The following HRNR variants were observed in gnomAD, a reference collection of about 807,000 sequenced individuals.
The protein encoded by HRNR is filaggrin family member 3.
In HRNR, 7 loss-of-function variants were observed where a neutral mutation model predicts 4.8. The observed-to-expected ratio is 1.47, with a 90% CI of 0.83 to 2.75. The LOEUF (loss-of-function observed/expected upper bound fraction) is 2.75. Among genes scored for constraint, HRNR ranks in the 30% most tolerant of loss-of-function variants. The pLI is 0.00. For missense variants in HRNR, 2,879 were observed against 3,010.4 expected, an observed-to-expected ratio of 0.96 and a Z score of 1.02; for synonymous variants, 1,023 against 1,242.7, an observed-to-expected ratio of 0.82 and a Z score of 3.72.
rs61814943 is a variant in HRNR at position 152,219,687 on chromosome 1, G to A, written c.1942C>T (p.Arg648Cys). Residue 648 changes from arginine to cysteine, a missense_variant, in exon 3 of 3, where the codon CGC (arginine) becomes TGC (cysteine). This residue lies in a region of HRNR where 2,646 missense variants were observed against 1,377.7 expected (regional missense o/e 1.92). Coordinates refer to ENST00000368801, the MANE Select transcript of HRNR (RefSeq NM_001009931.3). ...QHGSGSSQSS[R>C]YGQQGSGSGQ... ...GATCCAGAGCCCTGTTGGCCATAGC[G>A]AGAAGACTGACTTGAGCCAGAGCCA... 40 of 1,472,864 alleles carry A rather than the reference G, an allele frequency of 2.7e-5. No homozygotes were observed. Among genetic ancestry groups the A allele is most frequent in the East Asian group, 7.0e-5 (3 of 43,014 alleles). The allele number at this position is 1,472,864 out of a possible 1,614,324, so 91.2% of individuals were successfully genotyped here.
chr1:152,218,608 A>G lies in HRNR; in HGVS notation c.3021T>C (p.Pro1007=). 5 of 1,609,006 alleles carry G rather than the reference A, an allele frequency of 3.1e-6. No homozygotes were observed. The highest frequency in any genetic ancestry group is 3.4e-6 in the Non-Finnish European group (4 of 1,178,576). ...ACCCATGTCGGCCACGGCTAGGGCTAGGAGACTGGCCAGATCCAGACCCAT... is the reference window on the plus strand; with the variant it reads ...ACCCATGTCGGCCACGGCTAGGGCTGGGAGACTGGCCAGATCCAGACCCAT... ...GQHGSGSGQS[P]SPSRGRHGSG... is the part of the protein sequence containing the mutation. Residue 1007 remains proline (P), a synonymous_variant, in exon 3 of 3, where the codon CCT becomes CCC. Coordinates refer to ENST00000368801, the MANE Select transcript of HRNR (RefSeq NM_001009931.3).
rs774876762 is a variant in HRNR at position 152,220,327 on chromosome 1, C to A, written c.1302G>T (p.Gly434=). 1 of 1,613,538 alleles carries A rather than the reference C, an allele frequency of 6.2e-7. No homozygotes were observed. The highest frequency in any genetic ancestry group is 1.1e-5 in the South Asian group (1 of 91,060). Residue 434 remains glycine (G), a synonymous_variant, in exon 3 of 3, where the codon GGG becomes GGT. Coordinates refer to ENST00000368801, the MANE Select transcript of HRNR (RefSeq NM_001009931.3). ...CATGTTGGCCGGAGCTGGGAGACTG[C>A]CCTGACCCAGACCCACGCTGGCCGT... is the stretch of plus-strand genomic sequence containing the variant. ...PGHGQRGSGS[G]QSPSSGQHGT... is the part of the protein sequence containing the mutation.
Position 152,218,483 on chromosome 1 carries a change from C to G in HRNR, c.3146G>C (p.Gly1049Ala), listed in dbSNP as rs1293731425. The change falls in exon 3 of 3, where the codon GGC becomes GCC. Residue 1049 changes from glycine (G) to alanine (A), a missense_variant. This residue lies in a region of HRNR where 2,646 missense variants were observed against 1,377.7 expected (regional missense o/e 1.92). Transcript: ENST00000368801. ...TGAGCGAGACTCTCGGTGACCTAAGCCAGAAGAGTGACCGGAGCCAGACTC... is the reference window on the plus strand; with the variant it reads ...TGAGCGAGACTCTCGGTGACCTAAGGCAGAAGAGTGACCGGAGCCAGACTC... ...PYESGSGHSS[G>A]LGHRESRSGQ... 2.5e-6 allele frequency: 4 copies of G among 1,613,512 alleles called. No individual in the cohort carries two copies. The highest frequency in any genetic ancestry group is 4.5e-5 in the East Asian group (2 of 44,792).
In HRNR at chr1:152,220,568, C is replaced by T. The variant is rs546513615; in HGVS notation, c.1061G>A (p.Gly354Asp). 5.8e-5 allele frequency: 93 copies of T among 1,608,342 alleles called. 1 individual carries two copies. In the South Asian group the frequency reaches 1.0e-3, roughly 18 times the overall value. ...ACTATAGCCAGAGGACTGTCCTGAG[C>T]CAGACTCATGTTGCCCAAAGCCAGA... ...QTSGFGQHES[G>D]SGQSSGYSKH... Residue 354 changes from glycine (G) to aspartate (D), a missense_variant, in exon 3 of 3, where the codon GGC becomes GAC. Physicochemically the swap from Gly to Asp is moderately conservative, Grantham distance 94. Coordinates refer to ENST00000368801, the MANE Select transcript of HRNR (RefSeq NM_001009931.3).
Position 152,213,265 on chromosome 1 carries a change from A to C in HRNR, c.8364T>G (p.His2788Gln). 2 of 1,603,260 alleles carry C rather than the reference A, an allele frequency of 1.2e-6. No individual in the cohort carries two copies. The highest frequency in any genetic ancestry group is 1.7e-6 in the Non-Finnish European group (2 of 1,173,046). Residue 2788 changes from histidine (H) to glutamine (Q), a missense_variant, in exon 3 of 3, where the codon CAT becomes CAG. By Grantham distance (24) the His-to-Gln change is conservative. Transcript: ENST00000368801. Reference protein sequence around the residue: ...GSGQSSSYGQHGSGSGQSSGY... With the variant: ...GSGQSSSYGQQGSGSGQSSGY... ...CAGAGGACTGTCCTGAGCCAGACCC[A>C]TGTTGGCCGTAGCTGGAAGACTGCC...
At position 152,220,821 on chromosome 1, in the gene HRNR, C is replaced by T; in HGVS notation, c.808G>A (p.Gly270Ser). The change falls in exon 3 of 3, where the codon GGT becomes AGT. Residue 270 changes from glycine (G) to serine (S), a missense_variant. Transcript: ENST00000368801. The part of the protein sequence containing the change: ...HGSRSGQSSR[G>S]ERHRSSSGSS... ...CCTGAGCTAGATCTGTGTCGTTCAC[C>T]CCTAGATGACTGTCCTGACCTAGAG... The T allele has an allele frequency of 1.2e-6, 2 of 1,613,488 alleles. No homozygotes were observed. The highest frequency in any genetic ancestry group is 2.2e-5 in the East Asian group (1 of 44,790).
rs1293731425 is a variant in HRNR at position 152,218,483 on chromosome 1, C to A, written c.3146G>T (p.Gly1049Val). 6.2e-7 allele frequency: 1 copy of A among 1,613,512 alleles called. No homozygotes were observed. Among genetic ancestry groups the A allele is most frequent in the Non-Finnish European group, 8.5e-7 (1 of 1,179,906 alleles). Reference protein sequence around the residue: ...PYESGSGHSSGLGHRESRSGQ... With the variant: ...PYESGSGHSSVLGHRESRSGQ... Reference sequence around the variant, plus strand: ...TGAGCGAGACTCTCGGTGACCTAAGCCAGAAGAGTGACCGGAGCCAGACTC... The same window carrying A: ...TGAGCGAGACTCTCGGTGACCTAAGACAGAAGAGTGACCGGAGCCAGACTC... The change falls in exon 3 of 3, where the codon GGC becomes GTC. Residue 1049 changes from glycine (G) to valine (V), a missense_variant. Physicochemically the swap from Gly to Val is moderately radical, Grantham distance 109 (BLOSUM62 -3). Transcript: ENST00000368801.
At position 152,221,388 on chromosome 1, in the gene HRNR, G is replaced by A; in HGVS notation, c.241C>T (p.Leu81=). 1 of 1,613,878 alleles carries A rather than the reference G, an allele frequency of 6.2e-7. No homozygotes were observed. The highest frequency in any genetic ancestry group is 8.5e-7 in the Non-Finnish European group (1 of 1,179,932). Reference sequence around the variant, plus strand: ...ATGATTTTATTACGAGCCTGAACCAGCTTGAATATCATCAGAAGATACTCA... The same window carrying A: ...ATGATTTTATTACGAGCCTGAACCAACTTGAATATCATCAGAAGATACTCA... ...FTEYLLMIFK[L]VQARNKIIGK... The change falls in exon 3 of 3, where the codon CTG becomes TTG. Residue 81 remains leucine, a synonymous_variant. Coordinates refer to ENST00000368801, the MANE Select transcript of HRNR (RefSeq NM_001009931.3).
rs185852717 is a variant in HRNR, at chr1:152,220,542, T to C, written c.1087A>G (p.Lys363Glu). 20 of 1,609,486 alleles carry C rather than the reference T, an allele frequency of 1.2e-5. No homozygotes were observed. Among genetic ancestry groups the C allele is most frequent in the Non-Finnish European group, 1.6e-5 (19 of 1,177,678 alleles). The change falls in exon 3 of 3, where the codon AAG becomes GAG. Residue 363 changes from lysine to glutamate, a missense_variant. Physicochemically the swap from Lys to Glu is moderately conservative, Grantham distance 56. Around this residue, in one of 8 missense-constraint regions of HRNR, gnomAD observed 2,646 missense variants for 1,377.7 expected, o/e 1.92. Coordinates refer to ENST00000368801, the MANE Select transcript of HRNR (RefSeq NM_001009931.3). Reference protein sequence around the residue: ...SGSGQSSGYSKHGSGSGHSSS... With the variant: ...SGSGQSSGYSEHGSGSGHSSS... The stretch of plus-strand genomic sequence containing the variant: ...GAGTGACCTGAGCCAGAACCATGCT[T>C]ACTATAGCCAGAGGACTGTCCTGAG...
At position 152,221,449 on chromosome 1, in the gene HRNR, A is replaced by G. The variant is rs1162275198; in HGVS notation, c.180T>C (p.Ser60=). The change falls in exon 3 of 3, where the codon AGT becomes AGC. Residue 60 remains serine, a synonymous_variant. Transcript: ENST00000368801. The part of the protein sequence containing the change: ...DPDTVDIILQ[S]LDRDHNKKVD... ...CTTTCTTGTTATGGTCTCGATCCAG[A>G]CTTTGCAAGATGATATCCACAGTAT... The G allele has an allele frequency of 6.2e-7, 1 of 1,611,660 alleles. No individual in the cohort carries two copies. Among genetic ancestry groups the G allele is most frequent in the Non-Finnish European group, 8.5e-7 (1 of 1,178,566 alleles).
In HRNR at chr1:152,213,170, T is replaced by G; in HGVS notation, c.8459A>C (p.Asp2820Ala). 6.2e-7 allele frequency: 1 copy of G among 1,614,054 alleles called. No homozygotes were observed. The highest frequency in any genetic ancestry group is 8.5e-7 in the Non-Finnish European group (1 of 1,180,042). ...YSYCKGGSNH[D>A]GGSSGSYFLS... The stretch of plus-strand genomic sequence containing the variant: ...AAAATATGAGCCAGAACTTCCCCCA[T>G]CATGGTTACTTCCTCCTTTGCAATA... The change falls in exon 3 of 3, where the codon GAT becomes GCT. Residue 2820 changes from aspartate (D) to alanine (A), a missense_variant. Transcript: ENST00000368801.
chr1:152,221,224 T>C lies in HRNR; in HGVS notation c.405A>G (p.Gly135=), dbSNP rs753697176. The change falls in exon 3 of 3, where the codon GGA becomes GGG. Residue 135 remains glycine, a synonymous_variant. Transcript: ENST00000368801. ...SSFSHSSWSA[G]ENDSYSRNVR... Reference sequence around the variant, plus strand: ...CGTTTCTGGAATAGGAATCATTCTCTCCTGCACTCCAACTTGAATGACTAA... The same window carrying C: ...CGTTTCTGGAATAGGAATCATTCTCCCCTGCACTCCAACTTGAATGACTAA... The C allele has an allele frequency of 6.2e-7, 1 of 1,614,202 alleles. No individual in the cohort carries two copies. Among genetic ancestry groups the C allele is most frequent in the Non-Finnish European group, 8.5e-7 (1 of 1,180,040 alleles).
At position 152,218,553 on chromosome 1, in the gene HRNR, G is replaced by T. The variant is rs537545646; in HGVS notation, c.3076C>A (p.Pro1026Thr). Reference protein sequence around the residue: ...SGSGQSSSYGPYRSGSGWSSS... With the variant: ...SGSGQSSSYGTYRSGSGWSSS... Reference sequence around the variant, plus strand: ...GACCACCCTGAGCCAGACCTATATGGGCCATAGCTGGAAGACTGCCCGGAA... The same window carrying T: ...GACCACCCTGAGCCAGACCTATATGTGCCATAGCTGGAAGACTGCCCGGAA... The change falls in exon 3 of 3, where the codon CCA (proline) becomes ACA (threonine). Residue 1026 changes from proline (P) to threonine (T), a missense_variant. This residue lies in a region of HRNR where 2,646 missense variants were observed against 1,377.7 expected (regional missense o/e 1.92). Coordinates refer to ENST00000368801, the MANE Select transcript of HRNR (RefSeq NM_001009931.3). The T allele has an allele frequency of 3.1e-5, 50 of 1,613,868 alleles. No individual in the cohort carries two copies. The highest frequency in any genetic ancestry group is 3.8e-5 in the Non-Finnish European group (45 of 1,179,968).
rs758082681 is a variant in HRNR, at chr1:152,221,308, C to T, written c.321G>A (p.Gln107=). The change falls in exon 3 of 3, where the codon CAG becomes CAA. Residue 107 remains glutamine (Q), a synonymous_variant. Coordinates refer to ENST00000368801, the MANE Select transcript of HRNR (RefSeq NM_001009931.3). ...CAGTTTCTTCTTGTTCCTCTTGGTGCTGGTGAGTGTCATCTCTCAGCTTTG... is the reference window on the plus strand; with the variant it reads ...CAGTTTCTTCTTGTTCCTCTTGGTGTTGGTGAGTGTCATCTCTCAGCTTTG... ...SGSKLRDDTH[Q]HQEEQEETEK... The T allele has an allele frequency of 6.2e-7, 1 of 1,613,966 alleles. No individual in the cohort carries two copies. The highest frequency in any genetic ancestry group is 1.1e-5 in the South Asian group (1 of 91,082).
chr1:152,219,014 G>T lies in HRNR; in HGVS notation c.2615C>A (p.Ser872Tyr), dbSNP rs577992422. ...GCGGCCCGAAGCGTGATGGGAGGCA[G>T]ACTCATGCTGACCATAGCTGGAAGA... ...GQSSSYGQHE[S>Y]ASHHASGRGR... is the part of the protein sequence containing the mutation. The change falls in exon 3 of 3, where the codon TCT (serine) becomes TAT (tyrosine). Residue 872 changes from serine to tyrosine, a missense_variant. Transcript: ENST00000368801. 7.4e-6 allele frequency: 12 copies of T among 1,613,924 alleles called. No homozygotes were observed. Among genetic ancestry groups the T allele is most frequent in the Middle Eastern group, 3.3e-4 (2 of 6,084 alleles).
In HRNR at chr1:152,219,955, A is replaced by G. The variant is rs1244189064; in HGVS notation, c.1674T>C (p.Tyr558=). ...TCCCTGAGCCATACCCATGTGGGCC[A>G]TAGCTGGAAGACTGCCTGGAACCAG... is the stretch of plus-strand genomic sequence containing the variant. ...HESGSRQSSS[Y]GPHGYGSGRS... The change falls in exon 3 of 3, where the codon TAT becomes TAC. Residue 558 remains tyrosine (Y), a synonymous_variant. Transcript: ENST00000368801. The G allele has an allele frequency of 3.1e-6, 5 of 1,612,438 alleles. No individual in the cohort carries two copies. Among genetic ancestry groups the G allele is most frequent in the East Asian group, 2.2e-5 (1 of 44,704 alleles).
In HRNR at chr1:152,219,640, G is replaced by A. The variant is rs779032656; in HGVS notation, c.1989C>T (p.Gly663=). The change falls in exon 3 of 3, where the codon GGC becomes GGT. Residue 663 remains glycine, a synonymous_variant. Coordinates refer to ENST00000368801, the MANE Select transcript of HRNR (RefSeq NM_001009931.3). ...AGTGCCCAAAATCGGACCCATGTCG[G>A]CCGCGACTAGGAGACTGGCCAGATC... ...GSGSGQSPSR[G]RHGSDFGHSS... 5.0e-6 allele frequency: 8 copies of A among 1,612,994 alleles called. No homozygotes were observed. Among genetic ancestry groups the A allele is most frequent in the Non-Finnish European group, 6.8e-6 (8 of 1,179,328 alleles).
chr1:152,218,853 A>C lies in HRNR; in HGVS notation c.2776T>G (p.Ser926Ala), dbSNP rs769881289. ...TGACCAAAGCCAGAAGACTGGCCTG[A>C]GCCAGACCCATGTCGGCCACTGCTG... The part of the protein sequence containing the change: ...SSSSGRHGSG[S>A]GQSSGFGHKS... Residue 926 changes from serine to alanine, a missense_variant, in exon 3 of 3, where the codon TCA becomes GCA. This residue lies in a region of HRNR where 2,646 missense variants were observed against 1,377.7 expected (regional missense o/e 1.92). Coordinates refer to ENST00000368801, the MANE Select transcript of HRNR (RefSeq NM_001009931.3). 64 of 1,613,802 alleles carry C rather than the reference A, an allele frequency of 4.0e-5. No individual in the cohort carries two copies. Among genetic ancestry groups the C allele is most frequent in the Non-Finnish European group, 5.2e-5 (61 of 1,179,990 alleles).
In HRNR at chr1:152,212,902, C is replaced by G; in HGVS notation, c.*174G>C. 2.4e-6 allele frequency: 2 copies of G among 845,204 alleles called. No homozygotes were observed. The highest frequency in any genetic ancestry group is 3.6e-6 in the Non-Finnish European group (2 of 560,662). The allele number at this position is 845,204 out of a possible 1,614,324, so 52.4% of individuals were successfully genotyped here. A position where few individuals can be genotyped will look rare whatever the true frequency, so the allele number is the denominator to read the frequency against. ...AATGCCTAACAGTCTTTGGAAGGAA[C>G]CCCATAACAAGATATATGCTACAGT... On this transcript the variant is annotated 3_prime_UTR_variant, in exon 3 of 3. Transcript: ENST00000368801.
Sources: allele counts gnomAD v4.1 joint callset, GRCh38; gene constraint gnomAD v4.1.1; regional missense constraint gnomAD v4.1.1; transcripts MANE v1.5; gene names NCBI Gene and HGNC (gene_info 2026-07-23, HGNC 2026-07-21).